Variants in NCOA3 observed in about 807,000 individuals in gnomAD.
NCOA3 encodes the protein nuclear receptor coactivator 3.
A neutral mutation model predicts 158.8 loss-of-function variants in NCOA3; 51 were observed. The ratio of observed to expected loss-of-function variants is 0.32; its 90% CI spans 0.26 to 0.41. The LOEUF (loss-of-function observed/expected upper bound fraction) is 0.41. NCOA3 is among the 10% of genes least tolerant of loss of function. The pLI is 1.00. For missense variants in NCOA3, 1,510 were observed against 1,746.6 expected, an observed-to-expected ratio of 0.86 and a Z score of 2.41; for synonymous variants, 537 against 592.4, an observed-to-expected ratio of 0.91 and a Z score of 1.36.
At chr20:47,558,098 C>T (rs1466685083) in intron 1 of NCOA3, among the ~76,000 whole-genome samples, 1 of 148,144 alleles carries the variant, frequency 6.8e-6, no homozygotes, top group African/African-American at 2.5e-5. Flanking sequence ...TCTCTTGTTG[C>T]CCAGGCTCGA....
At chr20:47,568,569 G>A (rs2085238058) in intron 1 of NCOA3, among the ~76,000 whole-genome samples, 1 of 152,250 alleles carries the variant, frequency 6.6e-6, no homozygotes, top group South Asian at 2.1e-4. Flanking sequence ...GCTAAGGCAG[G>A]TGGATCCCTT....
At chr20:47,608,093 C>T (rs913653219) in intron 2 of NCOA3, among the ~76,000 whole-genome samples, 3 of 152,108 alleles carry the variant, frequency 2.0e-5, no homozygotes, top group Non-Finnish European at 4.4e-5. Context: ...GGTATATCAC[C>T]TGAGGTCAGG....
rs73624677 is a variant in NCOA3, at chr20:47,577,488, C to T, written c.-98-5695C>T. On this transcript the variant is annotated intron_variant, in intron 1 of 22. Coordinates refer to ENST00000371998, the MANE Select transcript of NCOA3 (RefSeq NM_181659.3). ...TTTCTCTATTCTTTCCTTATACTCTCATGGGACTCTGGTCTTTTTAATTCT... is the reference window on the plus strand; with the variant it reads ...TTTCTCTATTCTTTCCTTATACTCTTATGGGACTCTGGTCTTTTTAATTCT... Among the ~76,000 whole-genome samples, 9 of 152,334 alleles carry T rather than the reference C, an allele frequency of 5.9e-5. No homozygotes were observed. In the East Asian group the frequency reaches 1.7e-3, roughly 29 times the overall value.
At chr20:47,626,652 CCA>C (rs2086327277) in intron 5 of NCOA3, among the ~76,000 whole-genome samples, 1 of 152,146 alleles carries the variant, frequency 6.6e-6, no homozygotes, top group African/African-American at 2.4e-5. Flanking sequence ...TAACAAAATA[CCA>C]CAGACTTGGT....
chr20:47,651,668 ATTATTT>A (rs777946540), intron 20 of NCOA3, among the ~76,000 whole-genome samples: 2 of 151,434 alleles, frequency 1.3e-5, no homozygotes, highest in African/African-American at 2.4e-5. Context: ...ACTTGGATTT[ATTATTT>A]TTTTTTTGAG....
At chr20:47,531,632 G>A (rs2084549301) in intron 1 of NCOA3, among the ~76,000 whole-genome samples, 1 of 152,120 alleles carries the variant, frequency 6.6e-6, no homozygotes, top group Non-Finnish European at 1.5e-5. Context: ...CTCCTCCCTT[G>A]TACAGTCTCA....
chr20:47,615,598 A>C (rs945158983), intron 2 of NCOA3, among the ~76,000 whole-genome samples: 3 of 152,196 alleles, frequency 2.0e-5, no homozygotes, highest in Admixed American at 6.5e-5. Flanking sequence ...TTTCAGCTTT[A>C]ATTAGTTAGT....
At chr20:47,582,674 T>C (rs922149689) in intron 1 of NCOA3, among the ~76,000 whole-genome samples, 9 of 152,180 alleles carry the variant, frequency 5.9e-5, no homozygotes, top group African/African-American at 2.2e-4. Flanking sequence ...GCCCTATGCT[T>C]GACTTTTCAA....
chr20:47,513,002 C>CA (rs1436552023), intron 1 of NCOA3, among the ~76,000 whole-genome samples: 1 of 151,740 alleles, frequency 6.6e-6, no homozygotes, highest in South Asian at 2.1e-4. Context: ...ACTAAAAATA[C>CA]AAAAAATTAG....
At chr20:47,510,143 A>G (rs1340370923) in intron 1 of NCOA3, among the ~76,000 whole-genome samples, 1 of 152,124 alleles carries the variant, frequency 6.6e-6, no homozygotes, top group Non-Finnish European at 1.5e-5. Flanking sequence ...TTAAACGTAC[A>G]CAGTCATGGC....
At chr20:47,548,246 A>C (rs961653083) in intron 1 of NCOA3, among the ~76,000 whole-genome samples, 2 of 152,016 alleles carry the variant, frequency 1.3e-5, no homozygotes. Context: ...CTTTAAAAAA[A>C]AAAAATTCAT....
intron 1 of NCOA3, among the ~76,000 whole-genome samples, chr20:47,511,550 T>TATATATATACATATATATATATATACAC: frequency 3.8e-5 from 2 of 52,270 alleles, no homozygotes; most frequent in African/African-American, 5.4e-5. Context: ...TATATATATA[T>TATATATATACATATATATATATATACAC]ATATATTTCT....
Position 47,636,017 on chromosome 20 carries a change from C to T in NCOA3, c.1631C>T (p.Pro544Leu). The T allele has an allele frequency of 6.2e-7, 1 of 1,614,116 alleles. No individual in the cohort carries two copies. The highest frequency in any genetic ancestry group is 1.1e-5 in the South Asian group (1 of 91,078). The change falls in exon 12 of 23, where the codon CCA becomes CTA. Residue 544 changes from proline (P) to leucine (L), a missense_variant. By Grantham distance (98) the Pro-to-Leu change is moderately conservative. This residue lies in a region of NCOA3 where 1,017 missense variants were observed against 1,098.3 expected (regional missense o/e 0.93). Transcript: ENST00000371998. ...TCCCTTTTATCTACTCTGTCATCACCAGGCCCCAAATTGGATAACTCTCCC... is the reference window on the plus strand; with the variant it reads ...TCCCTTTTATCTACTCTGTCATCACTAGGCCCCAAATTGGATAACTCTCCC... Reference protein sequence around the residue: ...GTSLLSTLSSPGPKLDNSPNM... With the variant: ...GTSLLSTLSSLGPKLDNSPNM...
At chr20:47,540,768 G>A (rs902416211) in intron 1 of NCOA3, among the ~76,000 whole-genome samples, 2 of 152,030 alleles carry the variant, frequency 1.3e-5, no homozygotes, top group African/African-American at 2.4e-5. Flanking sequence ...TAATGCAAGA[G>A]GTTTAACAAG....
intron 8 of NCOA3, chr20:47,630,945 A>G (rs1477926600): frequency 6.6e-6 from 1 of 152,222 alleles, no homozygotes; most frequent in African/African-American, 2.4e-5. Context: ...AGTAAAACCT[A>G]TACAAAACAG....
chr20:47,567,945 AGT>A (rs749856909), intron 1 of NCOA3, among the ~76,000 whole-genome samples: 20 of 152,080 alleles, frequency 1.3e-4, no homozygotes, highest in Non-Finnish European at 2.2e-4. Flanking sequence ...CCTGTCCTCA[AGT>A]GTTCCTCCAG....
At chr20:47,571,947 C>CT (rs1300469108) in intron 1 of NCOA3, among the ~76,000 whole-genome samples, 2 of 152,094 alleles carry the variant, frequency 1.3e-5, no homozygotes, top group Non-Finnish European at 2.9e-5. Context: ...AGGCTGGTCT[C>CT]TAATTCCTGG....
At chr20:47,515,259 T>C (rs1799430110) in intron 1 of NCOA3, among the ~76,000 whole-genome samples, 1 of 151,036 alleles carries the variant, frequency 6.6e-6, no homozygotes, top group South Asian at 2.1e-4. Context: ...GCCTCCTGAG[T>C]TCAAACAATT....
intron 14 of NCOA3, 146 bp downstream of exon 14, chr20:47,639,348 T>C: frequency 5.2e-6 from 5 of 955,544 alleles, no homozygotes; most frequent in Non-Finnish European, 7.7e-6. Flanking sequence ...ATTTATTCTA[T>C]GTTTTGGTTA....
Sources: gnomAD v4.1 joint callset for allele counts (sites outside exome capture counted in the v4.1 genomes callset) on GRCh38, gnomAD v4.1.1 for gene constraint, gnomAD v4.1.1 regional missense constraint, MANE v1.5 for transcripts, NCBI Gene and HGNC (gene_info 2026-07-23, HGNC 2026-07-21) for gene names.